CHM: variants seen among roughly 807,000 people sequenced by gnomAD.
CHM encodes the protein CHM Rab escort protein.
A neutral mutation model predicts 49.0 loss-of-function variants in CHM; 10 were observed. The observed-to-expected ratio is 0.20, with a 90% CI of 0.13 to 0.35. The LOEUF (loss-of-function observed/expected upper bound fraction) is 0.35. Ranked by LOEUF, CHM falls within the 10% of genes least tolerant of loss-of-function variation. The pLI is 1.00. For synonymous variants in CHM, 184 were observed against 167.5 expected, an observed-to-expected ratio of 1.10 and a Z score of -0.76; for missense variants, 455 against 478.4, an observed-to-expected ratio of 0.95 and a Z score of 0.46.
chrX:86,004,795 C>T (rs186608405), intron 2 of CHM, among the ~76,000 whole-genome samples: 171 of 111,484 alleles, frequency 1.5e-3, no homozygotes, highest in Admixed American at 4.6e-3. Flanking sequence ...GAGACTTAGA[C>T]TCCCACACAA....
Position 85,907,054 on chromosome X carries a change from T to C in CHM, c.1244+4207A>G, listed in dbSNP as rs577102495. Among the ~76,000 whole-genome samples the C allele has an allele frequency of 1.5e-4, 17 of 111,583 alleles. No homozygotes were observed. The South Asian group carries it at 6.4e-3, about 42-fold the overall frequency. On this transcript the variant is annotated intron_variant, in intron 9 of 14. Transcript: ENST00000357749. ...CTGAGGCAGGAGAATCGCTTGAACC[T>C]GGGAGGCAGAGGTTGCAGTGAGCTG...
intron 4 of CHM, chrX:85,970,911 G>C (rs976910718): frequency 4.1e-6 from 3 of 728,304 alleles, no homozygotes; most frequent in Non-Finnish European, 4.9e-6. Flanking sequence ...GCCTATGATA[G>C]AATAATTACT....
intron 12 of CHM, among the ~76,000 whole-genome samples, chrX:85,884,092 G>T (rs1438884152): frequency 1.8e-5 from 2 of 110,536 alleles, no homozygotes; most frequent in Non-Finnish European, 3.8e-5. Context: ...AATATATTGG[G>T]TATGTCCTGA....
rs973159161 is a variant in CHM at position 86,036,951 on chromosome X, T to C, written c.50-9394A>G. ...ACTTTTTTATGTTTGAAATTTTCCATTGTAAAAAGCTTAAAAATGGACGTA... is the reference window on the plus strand; with the variant it reads ...ACTTTTTTATGTTTGAAATTTTCCACTGTAAAAAGCTTAAAAATGGACGTA... On this transcript the variant is annotated intron_variant, in intron 1 of 14. Transcript: ENST00000357749. Among the ~76,000 whole-genome samples, 5 of 111,107 alleles carry C rather than the reference T, an allele frequency of 4.5e-5. No homozygotes were observed. The Admixed American group carries it at 4.8e-4, about 11-fold the overall frequency.
chrX:86,037,138 CAG>C (rs1163928394), intron 1 of CHM, among the ~76,000 whole-genome samples: 3 of 69,995 alleles, frequency 4.3e-5, no homozygotes, highest in Middle Eastern at 0.015. Context: ...TTTTTTGAGA[CAG>C]AGTTTCACTC....
At chrX:85,888,180 C>T (rs865859792) in intron 12 of CHM, among the ~76,000 whole-genome samples, 3 of 41 alleles carry the variant, frequency 0.073, no homozygotes, top group Non-Finnish European at 0.12. Context: ...CTTCATGGGC[C>T]AGGCCAGGGC....
intron 8 of CHM, among the ~76,000 whole-genome samples, chrX:85,919,834 G>C (rs1927673006): frequency 9.0e-6 from 1 of 110,559 alleles, no homozygotes; most frequent in African/African-American, 3.3e-5. Flanking sequence ...GTTAGAAAGG[G>C]AAGCTATGTG....
chrX:86,005,453 CA>C (rs1379201256), intron 2 of CHM, among the ~76,000 whole-genome samples: 5 of 111,098 alleles, frequency 4.5e-5, no homozygotes, highest in Non-Finnish European at 7.6e-5. Flanking sequence ...AAAAACCCTT[CA>C]AAAAAATCAA....
At chrX:86,011,705 C>G (rs5923426) in intron 2 of CHM, among the ~76,000 whole-genome samples, 1 of 110,168 alleles carries the variant, frequency 9.1e-6, no homozygotes, top group African/African-American at 3.3e-5. Flanking sequence ...GATCTTCACA[C>G]GGGAAGATTA....
intron 3 of CHM, among the ~76,000 whole-genome samples, chrX:85,981,413 T>C (rs1394449634): frequency 3.7e-5 from 4 of 108,348 alleles, no homozygotes; most frequent in African/African-American, 1.4e-4. Flanking sequence ...TTTGTATTTT[T>C]AGTAGAAATG....
chrX:85,946,795 T>C (rs1929441917), intron 8 of CHM, among the ~76,000 whole-genome samples: 1 of 111,596 alleles, frequency 9.0e-6, no homozygotes, highest in African/African-American at 3.3e-5. Flanking sequence ...GGCCCCAGAA[T>C]GGTAGAGGCA....
At chrX:85,984,858 T>A (rs1033194152) in intron 2 of CHM, among the ~76,000 whole-genome samples, 1 of 112,473 alleles carries the variant, frequency 8.9e-6, no homozygotes. Flanking sequence ...ACATACTATA[T>A]GATACCATTT....
chrX:85,887,540 T>C (rs1925163013), intron 12 of CHM, among the ~76,000 whole-genome samples: 1 of 111,657 alleles, frequency 9.0e-6, no homozygotes, highest in Non-Finnish European at 1.9e-5. Flanking sequence ...GGGGCGCTGC[T>C]GAAAATATAC....
chrX:85,877,447 G>A (rs1924486786), intron 13 of CHM, among the ~76,000 whole-genome samples: 2 of 111,505 alleles, frequency 1.8e-5, no homozygotes, highest in African/African-American at 3.3e-5. Flanking sequence ...AGGCTAGGAT[G>A]GGTAATGGAG....
At chrX:85,991,927 C>T (rs1254860080) in intron 2 of CHM, among the ~76,000 whole-genome samples, 1 of 111,007 alleles carries the variant, frequency 9.0e-6, no homozygotes, top group Non-Finnish European at 1.9e-5. Context: ...CTACAATTAT[C>T]CCCGTTTTAC....
chrX:86,037,494 T>C (rs1934298519), intron 1 of CHM, among the ~76,000 whole-genome samples: 1 of 111,532 alleles, frequency 9.0e-6, no homozygotes, highest in African/African-American at 3.3e-5. Context: ...CACAGCAAAG[T>C]ATACCCCAGG....
At chrX:85,963,137 A>G (rs1198628956) in intron 5 of CHM, among the ~76,000 whole-genome samples, 1 of 111,305 alleles carries the variant, frequency 9.0e-6, no homozygotes, top group Non-Finnish European at 1.9e-5. Context: ...CTACATACCC[A>G]TCATCTACAT....
At chrX:86,010,054 G>GCC in intron 2 of CHM, among the ~76,000 whole-genome samples, 1 of 108,683 alleles carries the variant, frequency 9.2e-6, no homozygotes, top group Non-Finnish European at 1.9e-5. Context: ...GATGAAGCTG[G>GCC]AAACCATCAT....
intron 8 of CHM, among the ~76,000 whole-genome samples, chrX:85,935,592 C>T (rs911619292): frequency 1.8e-5 from 2 of 111,679 alleles, no homozygotes; most frequent in Non-Finnish European, 3.8e-5. Context: ...CATAGACAAA[C>T]GTAACACAAT....
Sources: allele counts gnomAD v4.1 joint callset (sites outside exome capture counted in the v4.1 genomes callset), GRCh38; gene constraint gnomAD v4.1.1; transcripts MANE v1.5; gene names NCBI Gene and HGNC (gene_info 2026-07-23, HGNC 2026-07-21).